TENM3: variants seen among roughly 807,000 people sequenced by gnomAD.
TENM3 encodes teneurin-3.
A neutral mutation model predicts 255.1 loss-of-function variants in TENM3; 63 were observed. The observed-to-expected ratio is 0.25, with a 90% CI of 0.20 to 0.30. The LOEUF is 0.30. Among genes scored for constraint, TENM3 ranks in the 10% least tolerant of loss-of-function variants. The probability of loss-of-function intolerance (pLI) is 1.00; values close to 1 mark genes in which losing one functional copy is unlikely to be tolerated. For missense variants in TENM3, 2,929 were observed against 3,461.1 expected (o/e 0.85, Z 3.86); for synonymous variants, 1,306 against 1,322.3 (o/e 0.99, Z 0.27).
intron 1 of TENM3, among the ~76,000 whole-genome samples, chr4:182,311,859 G>T (rs1249175582): frequency 6.6e-6 from 1 of 152,180 alleles, no homozygotes; most frequent in Non-Finnish European, 1.5e-5. Context: ...GGGCCAGTGA[G>T]ACCCATCTTT....
At chr4:181,463,547 C>A in the TENM3 span, among the ~76,000 whole-genome samples, 1 of 152,120 alleles carries the variant, frequency 6.6e-6, no homozygotes, top group Admixed American at 6.6e-5. Flanking sequence ...AAATAGTAGG[C>A]ATTCAATAAG....
At chr4:182,345,824 G>T (rs1257404790) in intron 2 of TENM3, among the ~76,000 whole-genome samples, 1 of 152,110 alleles carries the variant, frequency 6.6e-6, no homozygotes, top group Non-Finnish European at 1.5e-5. Context: ...AGAGTTCACA[G>T]CCATTTATTT....
chr4:182,578,858 C>T (rs1289324682), intron 3 of TENM3, among the ~76,000 whole-genome samples: 2 of 152,152 alleles, frequency 1.3e-5, no homozygotes, highest in Non-Finnish European at 2.9e-5. Context: ...TTGGAAATCT[C>T]CAGTCTTCCT....
chr4:181,923,736 G>C, the TENM3 span, among the ~76,000 whole-genome samples: 1 of 152,076 alleles, frequency 6.6e-6, no homozygotes, highest in African/African-American at 2.4e-5. Context: ...TGATAGCCTG[G>C]AAACATCATT....
chr4:182,598,639 A>G (rs1747524708), intron 3 of TENM3, among the ~76,000 whole-genome samples: 1 of 152,224 alleles, frequency 6.6e-6, no homozygotes, highest in Admixed American at 6.5e-5. Context: ...GCTTTATTTT[A>G]CCATTTACAC....
the TENM3 span, among the ~76,000 whole-genome samples, chr4:182,023,223 T>C: frequency 6.6e-6 from 1 of 152,148 alleles, no homozygotes; most frequent in East Asian, 1.9e-4. Flanking sequence ...AACCTCCACT[T>C]ACCAATACCA....
At chr4:182,739,196 A>G (rs1177442646) in intron 18 of TENM3, among the ~76,000 whole-genome samples, 2 of 152,306 alleles carry the variant, frequency 1.3e-5, no homozygotes, top group Non-Finnish European at 2.9e-5. Context: ...CTAGGAGTAG[A>G]CCTGATAATG....
chr4:182,095,157 C>T, the TENM3 span, among the ~76,000 whole-genome samples: 7 of 152,060 alleles, frequency 4.6e-5, no homozygotes, highest in African/African-American at 7.2e-5. Context: ...CCATATGATC[C>T]AGCAATCGCA....
chr4:182,704,906 G>T (rs956028997), intron 12 of TENM3, among the ~76,000 whole-genome samples: 1 of 145,300 alleles, frequency 6.9e-6, no homozygotes, highest in South Asian at 2.2e-4. Flanking sequence ...AAATAGGAAA[G>T]AATTTTTTTG....
At chr4:181,938,081 G>GT in the TENM3 span, among the ~76,000 whole-genome samples, 3 of 152,200 alleles carry the variant, frequency 2.0e-5, no homozygotes, top group Non-Finnish European at 4.4e-5. Context: ...GTATGAATAA[G>GT]TAATTTCAAG....
chr4:182,004,973 T>C, the TENM3 span, among the ~76,000 whole-genome samples: 1 of 152,230 alleles, frequency 6.6e-6, no homozygotes, highest in African/African-American at 2.4e-5. Flanking sequence ...TATTAGACCT[T>C]TGTCAGACGG....
the TENM3 span, among the ~76,000 whole-genome samples, chr4:181,783,289 A>G: frequency 6.6e-6 from 1 of 152,066 alleles, no homozygotes; most frequent in Non-Finnish European, 1.5e-5. Flanking sequence ...GACTTGCTTT[A>G]TGAATCTGGG....
At chr4:181,925,493 T>G in the TENM3 span, among the ~76,000 whole-genome samples, 1 of 152,338 alleles carries the variant, frequency 6.6e-6, no homozygotes, top group East Asian at 1.9e-4. Flanking sequence ...GATTTCTAAT[T>G]AGCCCCTAAA....
At chr4:182,606,549 G>T (rs1214534283) in intron 4 of TENM3, among the ~76,000 whole-genome samples, 2 of 143,190 alleles carry the variant, frequency 1.4e-5, no homozygotes, top group Non-Finnish European at 3.1e-5. Flanking sequence ...AAAAAAAAAA[G>T]GTAGCGTATA....
chr4:181,513,752 C>T, the TENM3 span, among the ~76,000 whole-genome samples: 1 of 152,148 alleles, frequency 6.6e-6, no homozygotes, highest in Non-Finnish European at 1.5e-5. Flanking sequence ...ACAGTAGGTC[C>T]TCCCTGCATC....
At chr4:182,780,061 T>A (rs1266069342) in intron 24 of TENM3, among the ~76,000 whole-genome samples, 1 of 151,720 alleles carries the variant, frequency 6.6e-6, no homozygotes. Flanking sequence ...TTAGTTTAAT[T>A]AGATCCCATT....
chr4:181,870,015 G>T, the TENM3 span, among the ~76,000 whole-genome samples: 3 of 152,038 alleles, frequency 2.0e-5, no homozygotes, highest in Non-Finnish European at 4.4e-5. Context: ...AACAAGCACC[G>T]TTCTGTCTAC....
intron 3 of TENM3, among the ~76,000 whole-genome samples, chr4:182,522,106 T>C (rs146377912): frequency 0.013 from 2,056 of 152,320 alleles, 24 homozygotes; most frequent in Middle Eastern, 0.034. Context: ...TTTTGATGCA[T>C]GTGTACAATG....
chr4:182,016,556 G>A, the TENM3 span, among the ~76,000 whole-genome samples: 1 of 152,134 alleles, frequency 6.6e-6, no homozygotes, highest in East Asian at 1.9e-4. Context: ...AGACAAATTA[G>A]AGGATTGAGT....
Sources: gnomAD v4.1 joint callset for allele counts (sites outside exome capture counted in the v4.1 genomes callset) on GRCh38, gnomAD v4.1.1 for gene constraint, MANE v1.5 for transcripts, NCBI Gene and HGNC (gene_info 2026-07-23, HGNC 2026-07-21) for gene names.